The following CPNE3 variants were observed in gnomAD, a reference collection of about 807,000 sequenced individuals.
The protein encoded by CPNE3 is copine 3.
CPNE3 carries 68 observed loss-of-function variants against 63.9 expected under a neutral mutation model. The ratio of observed to expected loss-of-function variants is 1.06; its 90% CI spans 0.87 to 1.30. The LOEUF (loss-of-function observed/expected upper bound fraction) is 1.30. CPNE3 is among the 50% of genes most tolerant of loss of function. The pLI is 0.00. For synonymous variants in CPNE3, 219 were observed against 197.5 expected (o/e 1.11, Z -0.91); for missense variants, 665 against 578.1 (o/e 1.15, Z -1.54).
chr8:86,549,564 A>T (rs1237393173), intron 12 of CPNE3, among the ~76,000 whole-genome samples: 1 of 152,214 alleles, frequency 6.6e-6, no homozygotes, highest in African/African-American at 2.4e-5. Context: ...CCTGACTCAT[A>T]CTTGCATGTT....
chr8:86,548,428 A>G lies in CPNE3; in HGVS notation c.1007A>G (p.Tyr336Cys). 6.2e-7 allele frequency: 1 copy of G among 1,614,052 alleles called. No individual in the cohort carries two copies. The highest frequency in any genetic ancestry group is 1.1e-5 in the South Asian group (1 of 91,054). ...LWSVGLVIQDYDADKMFPAFG... is the reference protein window; with the variant it reads ...LWSVGLVIQDCDADKMFPAFG... ...TCTGTGGGACTGGTCATTCAAGATT[A>G]TGATGCGTGAGTATGACTTTGGAAA... is the stretch of plus-strand genomic sequence containing the variant. The change falls in exon 12 of 17, where the codon TAT (tyrosine) becomes TGT (cysteine). Residue 336 changes from tyrosine to cysteine, a missense_variant. Transcript: ENST00000517490.
intron 2 of CPNE3, among the ~76,000 whole-genome samples, chr8:86,520,624 C>G (rs1820415172): frequency 1.3e-5 from 2 of 151,010 alleles, no homozygotes; most frequent in South Asian, 4.2e-4. Flanking sequence ...GCCCAAATGC[C>G]TGCCATTGTG....
At chr8:86,531,641 C>T (rs1285284665) in intron 5 of CPNE3, among the ~76,000 whole-genome samples, 1 of 150,512 alleles carries the variant, frequency 6.6e-6, no homozygotes, top group Admixed American at 6.6e-5. Context: ...TATATTATGA[C>T]ATGGTCAATG....
In CPNE3 at chr8:86,522,539, C is replaced by T. The variant is rs188717795; in HGVS notation, c.-10-5997C>T. On this transcript the variant is annotated intron_variant, in intron 2 of 16. Transcript: ENST00000517490. ...TTGGATTTACAGCCATATTACCTGACGCCCGCTGCTTTTTTTTTTTTTTTT... is the reference window on the plus strand; with the variant it reads ...TTGGATTTACAGCCATATTACCTGATGCCCGCTGCTTTTTTTTTTTTTTTT... 1.0e-4 allele frequency among the ~76,000 whole-genome samples: 14 copies of T among 140,028 alleles called. No individual in the cohort carries two copies. In the East Asian group the frequency reaches 2.2e-3, roughly 22 times the overall value. The allele number at this position is 140,028 out of a possible 152,430, so 91.9% of individuals were successfully genotyped here.
At chr8:86,556,676 A>G (rs1242741042) in intron 16 of CPNE3, among the ~76,000 whole-genome samples, 7 of 152,150 alleles carry the variant, frequency 4.6e-5, no homozygotes, top group African/African-American at 2.4e-5. Flanking sequence ...TTAGAAGACT[A>G]TTTTACCCAG....
intron 8 of CPNE3, among the ~76,000 whole-genome samples, chr8:86,541,590 G>A (rs1220120096): frequency 1.3e-5 from 2 of 151,778 alleles, no homozygotes; most frequent in Non-Finnish European, 2.9e-5. Flanking sequence ...TGTGTTCCCA[G>A]CTACTTGGGA....
chr8:86,545,206 A>C lies in CPNE3; in HGVS notation c.732+368A>C, dbSNP rs116782813. The C allele has an allele frequency of 7.5e-3, 1,161 of 154,618 alleles. 12 individuals carry two copies. Among genetic ancestry groups the C allele is most frequent in the African/African-American group, 0.026 (1,098 of 41,648 alleles). The allele number at this position is 154,618 out of a possible 1,614,324, so 9.6% of individuals were successfully genotyped here. A position where few individuals can be genotyped will look rare whatever the true frequency, so the allele number is the denominator to read the frequency against. ...CTAGAGGGAACCACACTTTACTTAC[A>C]GAGAGAAGAGGCAGAGCAATATCAG... On this transcript the variant is annotated intron_variant, in intron 9 of 16. Coordinates refer to ENST00000517490, the MANE Select transcript of CPNE3 (RefSeq NM_003909.5).
At chr8:86,552,269 C>A (rs1542082) in intron 14 of CPNE3, among the ~76,000 whole-genome samples, 1 of 152,024 alleles carries the variant, frequency 6.6e-6, no homozygotes, top group African/African-American at 2.4e-5. Flanking sequence ...ATTTTTGTGG[C>A]GGCCGTTTGC....
At position 86,544,798 on chromosome 8, in the gene CPNE3, C is replaced by G; in HGVS notation, c.692C>G (p.Thr231Ser). The part of the protein sequence containing the change: ...GSHDLIGTFQ[T>S]TMTKLKEASR... ...CATGATCTCATTGGAACATTTCAGA[C>G]CACCATGACAAAACTGAAAGAAGCC... The change falls in exon 9 of 17, where the codon ACC becomes AGC. Residue 231 changes from threonine to serine, a missense_variant. Thr to Ser is a moderately conservative substitution (Grantham distance 58). Transcript: ENST00000517490. 3 of 1,594,664 alleles carry G rather than the reference C, an allele frequency of 1.9e-6. No individual in the cohort carries two copies. Among genetic ancestry groups the G allele is most frequent in the Non-Finnish European group, 2.6e-6 (3 of 1,169,846 alleles).
At chr8:86,532,048 T>C (rs1322440347) in intron 5 of CPNE3, among the ~76,000 whole-genome samples, 4 of 152,230 alleles carry the variant, frequency 2.6e-5, no homozygotes, top group Non-Finnish European at 5.9e-5. Context: ...GCTTCCTTGT[T>C]GTAGGGCATG....
chr8:86,534,186 T>C (rs1289339470), intron 6 of CPNE3, among the ~76,000 whole-genome samples: 1 of 152,208 alleles, frequency 6.6e-6, no homozygotes, highest in Non-Finnish European at 1.5e-5. Flanking sequence ...TCTACTTTTA[T>C]TTTCTGATTT....
intron 9 of CPNE3, among the ~76,000 whole-genome samples, chr8:86,546,228 A>AT (rs935366022): frequency 6.6e-6 from 1 of 151,774 alleles, no homozygotes; most frequent in African/African-American, 2.4e-5. Flanking sequence ...TAGGAGTAAT[A>AT]TTTTATTTCC....
intron 8 of CPNE3, among the ~76,000 whole-genome samples, chr8:86,541,719 A>C (rs1037737029): frequency 6.6e-6 from 1 of 151,292 alleles, no homozygotes; most frequent in African/African-American, 2.4e-5. Context: ...AAAAAAAAAA[A>C]AAAAACTGCT....
At chr8:86,536,752 A>C (rs1820811159) in intron 6 of CPNE3, among the ~76,000 whole-genome samples, 1 of 152,204 alleles carries the variant, frequency 6.6e-6, no homozygotes, top group Non-Finnish European at 1.5e-5. Context: ...AAATGAAGAT[A>C]CATGAAAATG....
At position 86,528,420 on chromosome 8, in the gene CPNE3, A is replaced by G. The variant is rs1340905789; in HGVS notation, c.-10-116A>G. The G allele has an allele frequency of 4.5e-6, 5 of 1,118,600 alleles. No individual in the cohort carries two copies. The Admixed American group carries it at 1.3e-4, about 28-fold the overall frequency. The allele number at this position is 1,118,600 out of a possible 1,614,324, so 69.3% of individuals were successfully genotyped here. ...ATAACAGTCTGATTCTGGCAAGTTC[A>G]CTCTATAAGCCTATTGTGACAATTG... On this transcript the variant is annotated intron_variant, in intron 2 of 16. Transcript: ENST00000517490.
intron 3 of CPNE3, 52 bp from the exon 4 acceptor site, chr8:86,528,893 C>T (rs930040499): frequency 3.4e-6 from 5 of 1,491,804 alleles, no homozygotes; most frequent in Non-Finnish European, 4.6e-6. Flanking sequence ...TGTGAAAATC[C>T]AAGTGCACCT....
At chr8:86,556,697 T>C (rs1821333649) in intron 16 of CPNE3, among the ~76,000 whole-genome samples, 1 of 152,202 alleles carries the variant, frequency 6.6e-6, no homozygotes, top group South Asian at 2.1e-4. Flanking sequence ...TTTACTCCAG[T>C]AGTAACATAT....
chr8:86,555,478 A>G (rs6471388), intron 15 of CPNE3, among the ~76,000 whole-genome samples: 100,078 of 151,988 alleles, frequency 0.66, 33,934 homozygotes, highest in Non-Finnish European at 0.74. Context: ...CATATAAAGT[A>G]CACAATGCCT....
At chr8:86,542,727 G>A (rs935820901) in intron 8 of CPNE3, among the ~76,000 whole-genome samples, 4 of 151,968 alleles carry the variant, frequency 2.6e-5, no homozygotes, top group African/African-American at 9.7e-5. Flanking sequence ...GACACGAATT[G>A]TCTTACCTCA....
Sources: gnomAD v4.1 joint callset for allele counts (sites outside exome capture counted in the v4.1 genomes callset) on GRCh38, gnomAD v4.1.1 for gene constraint, MANE v1.5 for transcripts, NCBI Gene and HGNC (gene_info 2026-07-23, HGNC 2026-07-21) for gene names.